AGBL1: variants seen among roughly 807,000 people sequenced by gnomAD.
AGBL1 encodes cytosolic carboxypeptidase 4.
A neutral mutation model predicts 118.9 loss-of-function variants in AGBL1; 130 were observed. The ratio of observed to expected loss-of-function variants is 1.09; its 90% CI spans 0.95 to 1.26. The LOEUF is 1.26. Among genes scored for constraint, AGBL1 ranks in the 50% most tolerant of loss-of-function variants. The probability of loss-of-function intolerance (pLI) is 0.00; values close to 1 mark genes in which losing one functional copy is unlikely to be tolerated. For synonymous variants in AGBL1, 555 were observed against 478.9 expected (o/e 1.16, Z -2.08); for missense variants, 1,584 against 1,298.1 (o/e 1.22, Z -3.38).
chr15:86,644,141 C>G (rs1311014224), intron 21 of AGBL1, among the ~76,000 whole-genome samples: 4 of 152,100 alleles, frequency 2.6e-5, no homozygotes, highest in African/African-American at 9.7e-5. Context: ...ATCACTATTT[C>G]TATACATTTT....
chr15:86,294,034 A>T (rs1350312069), intron 16 of AGBL1, among the ~76,000 whole-genome samples: 1 of 152,136 alleles, frequency 6.6e-6, no homozygotes, highest in East Asian at 1.9e-4. Flanking sequence ...AGGTGGGGAA[A>T]ATCTCTTAGC....
At chr15:86,094,304 A>G (rs1347195718) in intron 1 of AGBL1, among the ~76,000 whole-genome samples, 1 of 152,158 alleles carries the variant, frequency 6.6e-6, no homozygotes, top group Non-Finnish European at 1.5e-5. Flanking sequence ...AGCCTTTGGC[A>G]TTGAGTTAAA....
At chr15:86,553,001 C>G (rs974510466) in intron 20 of AGBL1, among the ~76,000 whole-genome samples, 14 of 151,818 alleles carry the variant, frequency 9.2e-5, no homozygotes, top group African/African-American at 3.4e-4. Flanking sequence ...ACAGTAAGTA[C>G]CAGAGAGAGT....
chr15:86,670,044 T>C (rs564665527), intron 21 of AGBL1, among the ~76,000 whole-genome samples: 1 of 152,334 alleles, frequency 6.6e-6, no homozygotes, highest in South Asian at 2.1e-4. Flanking sequence ...TACAATTTCC[T>C]CAGTCATTCC....
At chr15:86,476,898 A>C (rs1375315744) in intron 18 of AGBL1, among the ~76,000 whole-genome samples, 1 of 152,262 alleles carries the variant, frequency 6.6e-6, no homozygotes, top group Non-Finnish European at 1.5e-5. Flanking sequence ...ACCACAGTGC[A>C]ATCAAACTAG....
intron 1 of AGBL1, among the ~76,000 whole-genome samples, chr15:86,108,553 T>C (rs1054745086): frequency 2.6e-5 from 4 of 152,216 alleles, no homozygotes; most frequent in Admixed American, 6.5e-5. Flanking sequence ...AAGCTCACTA[T>C]TAATTTCAAG....
intron 1 of AGBL1, among the ~76,000 whole-genome samples, chr15:86,090,123 T>C (rs1895925379): frequency 6.6e-6 from 1 of 152,202 alleles, no homozygotes; most frequent in Non-Finnish European, 1.5e-5. Context: ...CCCCATTTTA[T>C]AGATAAAGAA....
At chr15:86,130,342 C>T (rs545925628) in intron 1 of AGBL1, among the ~76,000 whole-genome samples, 15 of 151,926 alleles carry the variant, frequency 9.9e-5, no homozygotes, top group African/African-American at 2.9e-4. Flanking sequence ...TATTATTATA[C>T]GTTAAGCATG....
chr15:86,493,380 C>T (rs952899316), intron 18 of AGBL1, among the ~76,000 whole-genome samples: 11 of 151,678 alleles, frequency 7.3e-5, no homozygotes, highest in Admixed American at 4.6e-4. Context: ...AGGAGTATTT[C>T]GGAGGAAAAG....
At chr15:86,672,306 AT>A (rs918338398) in intron 21 of AGBL1, among the ~76,000 whole-genome samples, 9 of 152,094 alleles carry the variant, frequency 5.9e-5, no homozygotes, top group East Asian at 1.9e-4. Context: ...GGGGCATCAA[AT>A]TTTTTTTACA....
intron 22 of AGBL1, among the ~76,000 whole-genome samples, chr15:86,787,693 T>C (rs986501801): frequency 1.3e-5 from 2 of 152,190 alleles, no homozygotes; most frequent in African/African-American, 4.8e-5. Context: ...CCAATGAACA[T>C]GACAGCACAG....
intron 22 of AGBL1, among the ~76,000 whole-genome samples, chr15:86,903,477 C>A (rs1451396434): frequency 6.6e-6 from 1 of 151,888 alleles, no homozygotes; most frequent in African/African-American, 2.4e-5. Flanking sequence ...CTTTAAAATC[C>A]TTGTCAGATA....
At chr15:86,839,144 C>A (rs2079210771) in intron 22 of AGBL1, among the ~76,000 whole-genome samples, 1 of 151,906 alleles carries the variant, frequency 6.6e-6, no homozygotes, top group African/African-American at 2.4e-5. Flanking sequence ...ACATTGTTGA[C>A]AGTAAATGAA....
rs1309122806 is a variant in AGBL1, at chr15:86,645,884, A to G, written c.2995-28389A>G. Among the ~76,000 whole-genome samples the G allele has an allele frequency of 2.0e-5, 3 of 152,350 alleles. No homozygotes were observed. In the East Asian group the frequency reaches 5.8e-4, roughly 29 times the overall value. On this transcript the variant is annotated intron_variant, in intron 21 of 22. Coordinates refer to ENST00000614907, the MANE Select transcript of AGBL1 (RefSeq NM_001386094.1). ...ATTCTGGGCCATGGAACATTAGGAC[A>G]ACAAAGTTCAAAATCAAAAACCAAA... is the stretch of plus-strand genomic sequence containing the variant.
intron 24 of AGBL1, among the ~76,000 whole-genome samples, chr15:87,003,855 G>A (rs1283908720): frequency 6.6e-6 from 1 of 151,534 alleles, no homozygotes; most frequent in Non-Finnish European, 1.5e-5. Flanking sequence ...GCATCTATTT[G>A]ATTATTCTCT....
intron 18 of AGBL1, among the ~76,000 whole-genome samples, chr15:86,408,398 T>C (rs1178940070): frequency 3.3e-5 from 5 of 152,202 alleles, no homozygotes; most frequent in Non-Finnish European, 7.3e-5. Flanking sequence ...CTCTGTGAAA[T>C]GTTTGCTATC....
At chr15:86,286,663 T>G (rs1419788791) in intron 16 of AGBL1, among the ~76,000 whole-genome samples, 1 of 149,558 alleles carries the variant, frequency 6.7e-6, no homozygotes, top group Non-Finnish European at 1.5e-5. Flanking sequence ...TAAGACTGAA[T>G]AGTAATCCAT....
intron 3 of AGBL1, among the ~76,000 whole-genome samples, chr15:86,152,059 C>G (rs143014969): frequency 6.6e-6 from 1 of 152,128 alleles, no homozygotes; most frequent in Non-Finnish European, 1.5e-5. Context: ...CTTGTAGATA[C>G]GACAAATCAA....
intron 22 of AGBL1, among the ~76,000 whole-genome samples, chr15:86,775,597 A>C (rs2078243740): frequency 6.6e-6 from 1 of 152,124 alleles, no homozygotes; most frequent in South Asian, 2.1e-4. Context: ...CTGGGTGGCT[A>C]ACATGAAAAA....
Sources: gnomAD v4.1 joint callset for allele counts (sites outside exome capture counted in the v4.1 genomes callset) on GRCh38, gnomAD v4.1.1 for gene constraint, MANE v1.5 for transcripts, NCBI Gene and HGNC (gene_info 2026-07-23, HGNC 2026-07-21) for gene names.